Variants in MAGI2 observed in about 807,000 individuals in gnomAD.
The protein encoded by MAGI2 is membrane associated guanylate kinase, WW and PDZ domain containing 2, also known as membrane-associated guanylate kinase, WW and PDZ domain-containing protein 2.
In MAGI2, 35 loss-of-function variants were observed where a neutral mutation model predicts 133.3. That is an observed-to-expected ratio of 0.26 (90% CI 0.20 to 0.35). The LOEUF is 0.35. MAGI2 is among the 10% of genes least tolerant of loss of function. The pLI is 1.00. For missense variants in MAGI2, 1,636 were observed against 1,863.4 expected (o/e 0.88, Z 2.25); for synonymous variants, 729 against 710.6 (o/e 1.03, Z -0.41).
intron 3 of MAGI2, among the ~76,000 whole-genome samples, chr7:78,549,087 A>T (rs575465781): frequency 2.0e-5 from 3 of 152,330 alleles, no homozygotes; most frequent in Admixed American, 6.5e-5. Flanking sequence ...ATCATGTCTT[A>T]CAAAAGTAGG....
chr7:78,426,495 T>C (rs928520992), intron 6 of MAGI2, among the ~76,000 whole-genome samples: 1 of 152,034 alleles, frequency 6.6e-6, no homozygotes, highest in African/African-American at 2.4e-5. Flanking sequence ...TTGGGAGATA[T>C]ACCTAATGCT....
chr7:78,031,008 G>T (rs1809513433), intron 21 of MAGI2, among the ~76,000 whole-genome samples: 1 of 152,168 alleles, frequency 6.6e-6, no homozygotes. Context: ...AGCACTCTGT[G>T]GTACAATGGG....
At chr7:79,101,900 C>A (rs1407180418) in intron 1 of MAGI2, among the ~76,000 whole-genome samples, 1 of 151,402 alleles carries the variant, frequency 6.6e-6, no homozygotes, top group African/African-American at 2.4e-5. Context: ...TAATTTATAT[C>A]ATACATTTTC....
chr7:79,348,703 T>C (rs1272639319), intron 1 of MAGI2, among the ~76,000 whole-genome samples: 1 of 151,864 alleles, frequency 6.6e-6, no homozygotes, highest in African/African-American at 2.4e-5. Flanking sequence ...ACTTCTCAGG[T>C]AAAGTGAAGC....
chr7:78,501,864 A>G lies in MAGI2; in HGVS notation c.755-77T>C. 3 of 1,066,938 alleles carry G rather than the reference A, an allele frequency of 2.8e-6. 1 individual carries two copies. Among genetic ancestry groups the G allele is most frequent in the South Asian group, 2.7e-5 (2 of 74,300 alleles). The allele number at this position is 1,066,938 out of a possible 1,614,324, so 66.1% of individuals were successfully genotyped here. ...GACTGAGTATGGAGAATGCTGTACC[A>G]GGGAATAAACGTCATGAATAACTTC... On this transcript the variant is annotated intron_variant, in intron 4 of 21. Transcript: ENST00000354212.
At chr7:78,403,055 G>A (rs6966363) in intron 6 of MAGI2, among the ~76,000 whole-genome samples, 28,101 of 152,018 alleles carry the variant, frequency 0.18, 2,799 homozygotes, top group South Asian at 0.23. Context: ...CAACGTGCAG[G>A]TTTGTTACAT....
chr7:79,003,207 G>GGGGA (rs1367307517), intron 2 of MAGI2, among the ~76,000 whole-genome samples: 1 of 152,162 alleles, frequency 6.6e-6, no homozygotes, highest in African/African-American at 2.4e-5. Context: ...AGGTGGTGGG[G>GGGGA]GGGAGGTCTT....
At chr7:78,972,122 T>A (rs1803841760) in intron 2 of MAGI2, among the ~76,000 whole-genome samples, 1 of 151,878 alleles carries the variant, frequency 6.6e-6, no homozygotes, top group African/African-American at 2.4e-5. Flanking sequence ...AATCTATACT[T>A]CTAAATAGCA....
intron 9 of MAGI2, among the ~76,000 whole-genome samples, chr7:78,306,875 T>C (rs1798281146): frequency 6.6e-6 from 1 of 152,126 alleles, no homozygotes; most frequent in Non-Finnish European, 1.5e-5. Flanking sequence ...AAATGAGAAA[T>C]TTCTGAATAC....
At chr7:78,977,194 A>G (rs912866964) in intron 2 of MAGI2, among the ~76,000 whole-genome samples, 16 of 151,884 alleles carry the variant, frequency 1.1e-4, no homozygotes, top group African/African-American at 2.9e-4. Flanking sequence ...AAGACTTACT[A>G]CAAAGCTGTA....
chr7:78,775,320 T>TAAAAAAAAAAAAAAAAAAA (rs3086258), intron 2 of MAGI2, among the ~76,000 whole-genome samples: 4 of 57,378 alleles, frequency 7.0e-5, no homozygotes, highest in Non-Finnish European at 1.3e-4. Flanking sequence ...CGTCTCAAAT[T>TAAAAAAAAAAAAAAAAAAA]AAAAAAAAAA....
intron 2 of MAGI2, among the ~76,000 whole-genome samples, chr7:78,910,132 T>C (rs1196091128): frequency 2.0e-5 from 3 of 152,048 alleles, no homozygotes; most frequent in East Asian, 3.9e-4. Context: ...CTGGGTCCTG[T>C]TGTGGGGTGG....
At chr7:79,445,215 G>C (rs572335991) in intron 1 of MAGI2, among the ~76,000 whole-genome samples, 1 of 152,122 alleles carries the variant, frequency 6.6e-6, no homozygotes, top group Non-Finnish European at 1.5e-5. Flanking sequence ...AAAAACCCTA[G>C]AAGAAAACCT....
intron 1 of MAGI2, among the ~76,000 whole-genome samples, chr7:79,255,382 T>C (rs1833610328): frequency 6.6e-6 from 1 of 152,164 alleles, no homozygotes; most frequent in African/African-American, 2.4e-5. Flanking sequence ...AGATCTGTGG[T>C]TTCGCATGAA....
intron 20 of MAGI2, among the ~76,000 whole-genome samples, chr7:78,104,661 T>C (rs1272303501): frequency 6.6e-6 from 1 of 152,182 alleles, no homozygotes; most frequent in African/African-American, 2.4e-5. Flanking sequence ...AAGTCTTTCC[T>C]CATCCTGTTC....
intron 1 of MAGI2, among the ~76,000 whole-genome samples, chr7:79,316,940 C>G (rs1341372381): frequency 6.6e-6 from 1 of 151,142 alleles, no homozygotes; most frequent in Non-Finnish European, 1.5e-5. Context: ...ATCCAGGAGC[C>G]CATGTTCTTT....
At chr7:79,209,134 G>T (rs1273066308) in intron 1 of MAGI2, among the ~76,000 whole-genome samples, 4 of 151,874 alleles carry the variant, frequency 2.6e-5, no homozygotes, top group African/African-American at 9.7e-5. Context: ...TCAATAATAC[G>T]TTGTATTCTT....
chr7:78,280,781 A>C (rs1305327615), intron 9 of MAGI2, among the ~76,000 whole-genome samples: 2 of 149,780 alleles, frequency 1.3e-5, no homozygotes, highest in African/African-American at 5.0e-5. Flanking sequence ...AGAAATACGG[A>C]ATGTCAAGTC....
At chr7:78,374,090 A>T (rs1409542105) in intron 6 of MAGI2, among the ~76,000 whole-genome samples, 1 of 152,068 alleles carries the variant, frequency 6.6e-6, no homozygotes, top group African/African-American at 2.4e-5. Flanking sequence ...TGGTAAAATG[A>T]TTTGTTTTCT....
Sources: gnomAD v4.1 joint callset for allele counts (sites outside exome capture counted in the v4.1 genomes callset) on GRCh38, gnomAD v4.1.1 for gene constraint, MANE v1.5 for transcripts, NCBI Gene and HGNC (gene_info 2026-07-23, HGNC 2026-07-21) for gene names.